MDN1: variants seen among roughly 807,000 people sequenced by gnomAD.
The protein encoded by MDN1 is midasin.
In MDN1, 266 loss-of-function variants were observed where a neutral mutation model predicts 669.2. The ratio of observed to expected loss-of-function variants is 0.40; its 90% CI spans 0.36 to 0.44. The LOEUF (loss-of-function observed/expected upper bound fraction) is 0.44. Among genes scored for constraint, MDN1 ranks in the 20% least tolerant of loss-of-function variants. The pLI, the probability that MDN1 is intolerant of heterozygous loss-of-function variation, is 1.00. For missense variants in MDN1, 5,940 were observed against 6,754.0 expected, an observed-to-expected ratio of 0.88 and a Z score of 4.22; for synonymous variants, 2,385 against 2,457.1, an observed-to-expected ratio of 0.97 and a Z score of 0.87.
chr6:89,743,445 T>C (rs763220602), intron 30 of MDN1, 131 bp downstream of exon 30: 6 of 1,348,384 alleles, frequency 4.4e-6, no homozygotes, highest in South Asian at 1.4e-5. Context: ...AAGGCCCTTG[T>C]AGACCAGAGA....
In MDN1 at chr6:89,791,402, C is replaced by T. The variant is rs937741567; in HGVS notation, c.856-1001G>A. ...CAATAGCAGGGATTTTTAAAGTTTG[C>T]CTCCTTTAGAGATATATACTGAAAT... On this transcript the variant is annotated intron_variant, in intron 5 of 101. Transcript: ENST00000369393. Among the ~76,000 whole-genome samples the T allele has an allele frequency of 2.0e-5, 3 of 151,856 alleles. No homozygotes were observed. The South Asian group carries it at 6.2e-4, about 32-fold the overall frequency.
At chr6:89,768,240 C>T (rs1817902004) in intron 15 of MDN1, among the ~76,000 whole-genome samples, 1 of 151,970 alleles carries the variant, frequency 6.6e-6, no homozygotes, top group Non-Finnish European at 1.5e-5. Flanking sequence ...GCTCCAATTC[C>T]CACGTGTTGT....
At chr6:89,683,063 T>G in intron 73 of MDN1, 69 bp downstream of exon 73, 1 of 1,499,146 alleles carries the variant, frequency 6.7e-7, no homozygotes, top group South Asian at 1.2e-5. Flanking sequence ...GAGGCATGCC[T>G]TGCACATAAA....
At chr6:89,687,515 A>G (rs1812097938) in intron 67 of MDN1, 77 bp from the exon 68 acceptor site, 1 of 1,329,092 alleles carries the variant, frequency 7.5e-7, no homozygotes. Flanking sequence ...AACATCTTGA[A>G]CTTTGCTTGA....
At position 89,686,990 on chromosome 6, in the gene MDN1, C is replaced by CCG; in HGVS notation, c.11483_11484insCG (p.Lys3828AsnfsTer36). 2 of 1,610,384 alleles carry CCG rather than the reference C, an allele frequency of 1.2e-6. No individual in the cohort carries two copies. The highest frequency in any genetic ancestry group is 2.2e-5 in the East Asian group (1 of 44,712). On this transcript the variant is annotated frameshift_variant, in exon 69 of 102. Coordinates refer to ENST00000369393, the MANE Select transcript of MDN1 (RefSeq NM_014611.3). LOFTEE classifies it high-confidence loss of function. The stretch of plus-strand genomic sequence containing the variant: ...GCTTGGTGGATTTCTCGGTGTGGCG[C>CCG]TTCATAGTATTATCCAAACTCATGG...
intron 27 of MDN1, among the ~76,000 whole-genome samples, chr6:89,746,105 G>C (rs1168740717): frequency 6.6e-6 from 1 of 152,136 alleles, no homozygotes; most frequent in East Asian, 1.9e-4. Context: ...TGAAACTCAA[G>C]GACAGGCAAA....
intron 32 of MDN1, among the ~76,000 whole-genome samples, 192 bp from the exon 33 acceptor site, chr6:89,738,647 A>G (rs1047316622): frequency 3.3e-5 from 5 of 152,186 alleles, no homozygotes; most frequent in African/African-American, 1.2e-4. Context: ...GACACCTTCC[A>G]GTATCATCAT....
At position 89,730,853 on chromosome 6, in the gene MDN1, C is replaced by T. The variant is rs1815548162; in HGVS notation, c.5013G>A (p.Arg1671=). ...CTGTAAGTCGTACTATCTTGGCAAG[C>T]CTCTTGATTAGAAATTTCAGACATT... ...RKECLKFLIK[R]LAKIVRLTEY... The change falls in exon 35 of 102, where the codon AGG becomes AGA. Residue 1671 remains arginine (R), a synonymous_variant. Coordinates refer to ENST00000369393, the MANE Select transcript of MDN1 (RefSeq NM_014611.3). 1.2e-6 allele frequency: 2 copies of T among 1,613,936 alleles called. No homozygotes were observed.
chr6:89,749,389 A>T lies in MDN1; in HGVS notation c.3616-20T>A. 1 of 1,611,598 alleles carries T rather than the reference A, an allele frequency of 6.2e-7. No individual in the cohort carries two copies. Among genetic ancestry groups the T allele is most frequent in the Non-Finnish European group, 8.5e-7 (1 of 1,178,774 alleles). ...AAGGACCTAGACAAAGCACAGGAAG[A>T]ATGCAGTAAAAGGTGCCTTTTAATT... On this transcript the variant is annotated intron_variant, in intron 25 of 101. Transcript: ENST00000369393.
At chr6:89,682,884 C>A (rs553313304) in intron 73 of MDN1, among the ~76,000 whole-genome samples, 2 of 150,138 alleles carry the variant, frequency 1.3e-5, no homozygotes, top group East Asian at 3.9e-4. Context: ...GAGGTTGAGA[C>A]TGCAGTGAGC....
At chr6:89,724,627 G>T (rs1048054720) in intron 38 of MDN1, among the ~76,000 whole-genome samples, 1 of 152,170 alleles carries the variant, frequency 6.6e-6, no homozygotes, top group Non-Finnish European at 1.5e-5. Context: ...TTAATCATAA[G>T]AGACAGTGAC....
rs762705945 is a variant in MDN1 at position 89,700,776 on chromosome 6, A to T, written c.8508T>A (p.Leu2836=). 6.2e-7 allele frequency: 1 copy of T among 1,614,162 alleles called. No individual in the cohort carries two copies. The highest frequency in any genetic ancestry group is 1.1e-5 in the South Asian group (1 of 91,076). ...VLAIREQMSA[L]GESGWQEDIN... ...TGTCTTCCTGCCATCCACTCTCCCC[A>T]AGGGCAGACATCTGCTCCCTGATGG... is the stretch of plus-strand genomic sequence containing the variant. Residue 2836 remains leucine (L), a synonymous_variant, in exon 56 of 102, where the codon CTT becomes CTA. Coordinates refer to ENST00000369393, the MANE Select transcript of MDN1 (RefSeq NM_014611.3).
chr6:89,656,866 C>T, intron 90 of MDN1, 65 bp from the exon 91 acceptor site: 3 of 1,346,636 alleles, frequency 2.2e-6, no homozygotes, highest in Non-Finnish European at 3.2e-6. Context: ...GGTTACTGTG[C>T]TGCATTGAAT....
chr6:89,817,637 A>G (rs754862254), intron 1 of MDN1, among the ~76,000 whole-genome samples: 8 of 152,240 alleles, frequency 5.3e-5, no homozygotes, highest in Non-Finnish European at 1.0e-4. Context: ...TGAGGCAAGT[A>G]ACAGCAAGGA....
intron 65 of MDN1, among the ~76,000 whole-genome samples, chr6:89,689,423 T>C (rs1812232252): frequency 6.6e-6 from 1 of 152,100 alleles, no homozygotes; most frequent in African/African-American, 2.4e-5. Context: ...TATGAAATAA[T>C]GCCAAGAAAT....
In MDN1 at chr6:89,760,204, T is replaced by C. The variant is rs1817472379; in HGVS notation, c.2461-1244A>G. On this transcript the variant is annotated intron_variant, in intron 17 of 101. Coordinates refer to ENST00000369393, the MANE Select transcript of MDN1 (RefSeq NM_014611.3). ...TTCCTCTAGGGCTTCATCTAAGGAC[T>C]GTCACAGAAACAAACTTTTTTTAAA... Among the ~76,000 whole-genome samples the C allele has an allele frequency of 2.0e-5, 3 of 152,246 alleles. No homozygotes were observed. In the South Asian group the frequency reaches 6.2e-4, roughly 31 times the overall value.
At chr6:89,784,791 T>C (rs1379720693) in intron 9 of MDN1, among the ~76,000 whole-genome samples, 1 of 152,204 alleles carries the variant, frequency 6.6e-6, no homozygotes, top group African/African-American at 2.4e-5. Context: ...TGTGGTTATA[T>C]ATGAAAATGC....
chr6:89,673,151 G>A (rs1482042791), intron 80 of MDN1, 85 bp downstream of exon 80: 2 of 1,193,982 alleles, frequency 1.7e-6, no homozygotes, highest in East Asian at 4.7e-5. Context: ...AAAATATAAT[G>A]TGTCTTTTGG....
chr6:89,772,529 A>T (rs1333402214), intron 14 of MDN1, 44 bp downstream of exon 14: 1 of 1,583,332 alleles, frequency 6.3e-7, no homozygotes, highest in Admixed American at 1.8e-5. Flanking sequence ...AAAAGTAGTC[A>T]GTGTGAAATA....
Sources: allele counts gnomAD v4.1 joint callset (sites outside exome capture counted in the v4.1 genomes callset), GRCh38; gene constraint gnomAD v4.1.1; transcripts MANE v1.5; gene names NCBI Gene and HGNC (gene_info 2026-07-23, HGNC 2026-07-21).